PKP4: variants seen among roughly 807,000 people sequenced by gnomAD.
The protein encoded by PKP4 is plakophilin-4.
PKP4 carries 90 observed loss-of-function variants against 145.1 expected under a neutral mutation model. The observed-to-expected ratio is 0.62, with a 90% CI of 0.52 to 0.74. The LOEUF is 0.74. PKP4 is among the 30% of genes least tolerant of loss of function. The pLI, the probability that PKP4 is intolerant of heterozygous loss-of-function variation, is 0.00. For synonymous variants in PKP4, 563 were observed against 577.2 expected (o/e 0.98, Z 0.35); for missense variants, 1,340 against 1,482.7 (o/e 0.90, Z 1.58).
At chr2:158,493,641 G>T (rs759054670) in intron 1 of PKP4, among the ~76,000 whole-genome samples, 1 of 152,208 alleles carries the variant, frequency 6.6e-6, no homozygotes, top group African/African-American at 2.4e-5. Flanking sequence ...AGTGACGTTA[G>T]CAAATTGAGA....
chr2:158,647,062 G>A (rs763788991), intron 11 of PKP4, among the ~76,000 whole-genome samples: 2 of 152,302 alleles, frequency 1.3e-5, no homozygotes, highest in African/African-American at 4.8e-5. Flanking sequence ...GTTAAAGCAC[G>A]TCTGCTCTGA....
Position 158,680,754 on chromosome 2 carries a change from T to C in PKP4, c.*77T>C. 7.7e-7 allele frequency: 1 copy of C among 1,293,522 alleles called. No individual in the cohort carries two copies. Among genetic ancestry groups the C allele is most frequent in the Non-Finnish European group, 1.1e-6 (1 of 937,564 alleles). 80.1% of individuals were successfully genotyped at this position (1,293,522 alleles called of 1,614,324 possible). On this transcript the variant is annotated 3_prime_UTR_variant, in exon 22 of 22. Coordinates refer to ENST00000389759, the MANE Select transcript of PKP4 (RefSeq NM_003628.6). ...AGGTGAAAAGTCCATCTTGCTGATT[T>C]GATGATTGAAATGTGAAAGTGAAGT... is the stretch of plus-strand genomic sequence containing the variant.
chr2:158,626,740 G>A (rs2052831579), intron 7 of PKP4, among the ~76,000 whole-genome samples: 1 of 152,088 alleles, frequency 6.6e-6, no homozygotes, highest in East Asian at 1.9e-4. Context: ...TTGTTTTTAA[G>A]GGCTTTTATT....
chr2:158,500,902 A>T (rs1256279516), intron 1 of PKP4, among the ~76,000 whole-genome samples: 5 of 152,278 alleles, frequency 3.3e-5, no homozygotes, highest in African/African-American at 9.6e-5. Flanking sequence ...AAGACCCAGA[A>T]TCTTGATGCC....
intron 3 of PKP4, among the ~76,000 whole-genome samples, chr2:158,579,507 CAGTG>C (rs2105788273): frequency 6.6e-6 from 1 of 150,714 alleles, no homozygotes; most frequent in East Asian, 2.0e-4. Context: ...GTGAGAGAAT[CAGTG>C]AGCAAAAGAG....
At chr2:158,473,368 T>C (rs1195090337) in intron 1 of PKP4, among the ~76,000 whole-genome samples, 5 of 152,208 alleles carry the variant, frequency 3.3e-5, no homozygotes, top group African/African-American at 4.8e-5. Context: ...CAGATGTTCA[T>C]TGCAGCACTA....
At chr2:158,569,727 A>G (rs2047271785) in intron 2 of PKP4, among the ~76,000 whole-genome samples, 1 of 152,154 alleles carries the variant, frequency 6.6e-6, no homozygotes, top group Non-Finnish European at 1.5e-5. Flanking sequence ...TGTTCTTTGC[A>G]AAAGAAAAAG....
rs554772271 is a variant in PKP4, at chr2:158,502,935, G to A, written c.-5-30245G>A. On this transcript the variant is annotated intron_variant, in intron 1 of 21. Coordinates refer to ENST00000389759, the MANE Select transcript of PKP4 (RefSeq NM_003628.6). The stretch of plus-strand genomic sequence containing the variant: ...CCTCGAGACTTTCTGCTCTGTGGTC[G>A]TCTATTTATATATTAAGAATGCTGT... Among the ~76,000 whole-genome samples, 72 of 152,282 alleles carry A rather than the reference G, an allele frequency of 4.7e-4. 1 individual carries two copies. Among genetic ancestry groups the A allele is most frequent in the Admixed American group, 8.5e-4 (13 of 15,306 alleles).
intron 1 of PKP4, among the ~76,000 whole-genome samples, chr2:158,473,150 A>G (rs1691865990): frequency 6.6e-6 from 1 of 152,230 alleles, no homozygotes; most frequent in Non-Finnish European, 1.5e-5. Flanking sequence ...GTAAAAAGTC[A>G]GTAAATAACA....
intron 2 of PKP4, among the ~76,000 whole-genome samples, chr2:158,541,787 G>A (rs2044545091): frequency 6.6e-6 from 1 of 152,078 alleles, no homozygotes; most frequent in South Asian, 2.1e-4. Flanking sequence ...AAGCAACGCG[G>A]CATCAGTGAA....
At chr2:158,623,646 C>G (rs2052478850) in intron 6 of PKP4, among the ~76,000 whole-genome samples, 1 of 152,190 alleles carries the variant, frequency 6.6e-6, no homozygotes, top group Non-Finnish European at 1.5e-5. Context: ...GCAAGTGTTT[C>G]AGCCAGCCCA....
chr2:158,563,643 G>T (rs1364674392), intron 2 of PKP4, among the ~76,000 whole-genome samples: 21 of 152,002 alleles, frequency 1.4e-4, no homozygotes, highest in Admixed American at 1.4e-3. Flanking sequence ...TTGGTTTTGT[G>T]TACTTTTCCA....
At chr2:158,643,712 CAAAAAAAA>C (rs762303684) in intron 11 of PKP4, among the ~76,000 whole-genome samples, 1 of 69,774 alleles carries the variant, frequency 1.4e-5, no homozygotes, top group African/African-American at 5.5e-5. Flanking sequence ...GGCCCTGTTT[CAAAAAAAA>C]AAAAAAAAGA....
chr2:158,644,789 C>A (rs1160205655), intron 11 of PKP4, among the ~76,000 whole-genome samples: 2 of 152,118 alleles, frequency 1.3e-5, no homozygotes, highest in African/African-American at 4.8e-5. Flanking sequence ...GGGTTGTATT[C>A]CACCTCTGTT....
At chr2:158,647,643 C>T (rs142097687) in intron 11 of PKP4, among the ~76,000 whole-genome samples, 52 of 152,290 alleles carry the variant, frequency 3.4e-4, no homozygotes, top group Non-Finnish European at 6.0e-4. Context: ...AAATGGTTCT[C>T]TAGTATGTAA....
chr2:158,512,085 G>A (rs993785520), intron 1 of PKP4, among the ~76,000 whole-genome samples: 1 of 152,114 alleles, frequency 6.6e-6, no homozygotes, highest in African/African-American at 2.4e-5. Context: ...TATGCTCTTG[G>A]GATGACTGGA....
rs751825770 is a variant in PKP4, at chr2:158,673,995, A to G, written c.3122A>G (p.Gln1041Arg). ...TTNQQMSPII[Q>R]SVGSTSSSPA... ...AACCAACAGATGTCACCCATCATTC[A>G]GTCAGGTCAGTGGGAAAATGCCACT... Residue 1041 changes from glutamine (Q) to arginine (R), a missense_variant, in exon 19 of 22, where the codon CAG becomes CGG. Transcript: ENST00000389759. The G allele has an allele frequency of 1.3e-6, 2 of 1,552,948 alleles. No individual in the cohort carries two copies. Among genetic ancestry groups the G allele is most frequent in the South Asian group, 2.2e-5 (2 of 89,978 alleles).
chr2:158,528,471 A>T (rs1254774655), intron 1 of PKP4, among the ~76,000 whole-genome samples: 1 of 78,712 alleles, frequency 1.3e-5, no homozygotes, highest in Non-Finnish European at 2.3e-5. Flanking sequence ...GGAATATCAC[A>T]CTCTGGGGAC....
In PKP4 at chr2:158,680,913, G is replaced by A. The variant is rs1323651983; in HGVS notation, c.*236G>A. The A allele has an allele frequency of 4.2e-5, 18 of 429,546 alleles. No homozygotes were observed. The highest frequency in any genetic ancestry group is 1.5e-4 in the East Asian group (4 of 26,874). The allele number at this position is 429,546 out of a possible 1,614,324, so 26.6% of individuals were successfully genotyped here. A position where few individuals can be genotyped will look rare whatever the true frequency, so the allele number is the denominator to read the frequency against. On this transcript the variant is annotated 3_prime_UTR_variant, in exon 22 of 22. Transcript: ENST00000389759. ...AATTACTTATAGATTCTGTAGTCTG[G>A]TGAAGGTGTGGGTGACGTGATGAGA...
Sources: gnomAD v4.1 joint callset for allele counts (sites outside exome capture counted in the v4.1 genomes callset) on GRCh38, gnomAD v4.1.1 for gene constraint, MANE v1.5 for transcripts, NCBI Gene and HGNC (gene_info 2026-07-23, HGNC 2026-07-21) for gene names.